The following ZNF606 variants were observed in gnomAD, a reference collection of about 807,000 sequenced individuals.
The protein encoded by ZNF606 is zinc finger protein 606.
Under a neutral mutation model 74.9 loss-of-function variants are expected in ZNF606, and 37 were observed. That is an observed-to-expected ratio of 0.49 (90% CI 0.38 to 0.65). The LOEUF is 0.65. Ranked by LOEUF, ZNF606 falls within the 30% of genes least tolerant of loss-of-function variation. ZNF606 has a pLI of 0.00. For missense variants in ZNF606, 852 were observed against 952.9 expected (o/e 0.89, Z 1.39); for synonymous variants, 328 against 312.4 (o/e 1.05, Z -0.53).
intron 6 of ZNF606, among the ~76,000 whole-genome samples, chr19:57,982,154 T>G (rs868300932): frequency 6.6e-6 from 1 of 152,166 alleles, no homozygotes; most frequent in Non-Finnish European, 1.5e-5. Context: ...AATGGAGTTA[T>G]TGGCCGGGTT....
chr19:57,977,071 CTT>C (rs1175048255), downstream of ZNF606: 2 of 152,216 alleles, frequency 1.3e-5, no homozygotes, highest in African/African-American at 4.8e-5. Context: ...AACCAGGTAA[CTT>C]TATTTCTCAT....
chr19:57,989,332 G>A (rs1022517616), intron 4 of ZNF606, among the ~76,000 whole-genome samples: 3 of 141,990 alleles, frequency 2.1e-5, no homozygotes, highest in African/African-American at 7.8e-5. Context: ...AATCTAAACT[G>A]ATTTTTTTTT....
chr19:57,991,847 T>C (rs2073266834), intron 4 of ZNF606, among the ~76,000 whole-genome samples: 1 of 152,162 alleles, frequency 6.6e-6, no homozygotes, highest in African/African-American at 2.4e-5. Flanking sequence ...AAACCTATGC[T>C]TGATGCACTT....
chr19:57,980,497 AC>A (rs2073068858), intron 6 of ZNF606, among the ~76,000 whole-genome samples: 2 of 152,306 alleles, frequency 1.3e-5, no homozygotes, highest in East Asian at 3.9e-4. Context: ...AACTAATGAA[AC>A]CATTTAAAAG....
Position 57,979,074 on chromosome 19 carries a change from C to T in ZNF606, c.1606G>A (p.Gly536Arg). 2 of 1,614,106 alleles carry T rather than the reference C, an allele frequency of 1.2e-6. No homozygotes were observed. Among genetic ancestry groups the T allele is most frequent in the Non-Finnish European group, 1.7e-6 (2 of 1,180,032 alleles). ...TCATCACATTTAAAGGGTTTCTCTCCAGTATGCATTCTCATATGGGCAATA... is the reference window on the plus strand; with the variant it reads ...TCATCACATTTAAAGGGTTTCTCTCTAGTATGCATTCTCATATGGGCAATA... ...HLIAHMRMHTGEKPFKCDECE... is the reference protein window; with the variant it reads ...HLIAHMRMHTREKPFKCDECE... Residue 536 changes from glycine to arginine, a missense_variant, in exon 7 of 7, where the codon GGA (glycine) becomes AGA (arginine). By Grantham distance (125) the Gly-to-Arg change is moderately radical (BLOSUM62 -2). Coordinates refer to ENST00000551380, the MANE Select transcript of ZNF606 (RefSeq NM_001348022.3).
At chr19:58,000,228 CTT>C in intron 3 of ZNF606, 17 of 346,726 alleles carry the variant, frequency 4.9e-5, no homozygotes, top group South Asian at 2.5e-4. Context: ...CACTGGTTTT[CTT>C]TTTTTTTTTG....
chr19:58,002,464 T>C lies in ZNF606; in HGVS notation c.-120A>G, dbSNP rs901968726. The C allele has an allele frequency of 3.7e-5, 17 of 454,798 alleles. No homozygotes were observed. The highest frequency in any genetic ancestry group is 3.4e-4 in the African/African-American group (17 of 50,010). 28.2% of individuals were successfully genotyped at this position (454,798 alleles called of 1,614,324 possible). ...ATCGGGGTCTGCCCGCCTGGGGCGT[T>C]TGGCTTTTGTCCCGCGCCGAGGTCC... On this transcript the variant is annotated 5_prime_UTR_variant, in exon 1 of 7. Coordinates refer to ENST00000551380, the MANE Select transcript of ZNF606 (RefSeq NM_001348022.3).
At position 57,978,997 on chromosome 19, in the gene ZNF606, A is replaced by G; in HGVS notation, c.1683T>C (p.Thr561=). The G allele has an allele frequency of 6.2e-7, 1 of 1,614,076 alleles. No individual in the cohort carries two copies. The highest frequency in any genetic ancestry group is 1.7e-5 in the Admixed American group (1 of 60,018). ...ATTTATATGGTTTTGCTCCAGAATG[A>G]GTTCTTTCATGTTTACTAAGGGCTG... The part of the protein sequence containing the change: ...DYSALSKHER[T]HSGAKPYKCT... Residue 561 remains threonine, a synonymous_variant, in exon 7 of 7, where the codon ACT becomes ACC. Coordinates refer to ENST00000551380, the MANE Select transcript of ZNF606 (RefSeq NM_001348022.3). This position sits in a 1 kb window ranked among gnomAD's most constrained non-coding sequence, Gnocchi z 4.4.
chr19:57,978,118 C>T lies in ZNF606; in HGVS notation c.*183G>A, dbSNP rs928851985. 3 of 563,718 alleles carry T rather than the reference C, an allele frequency of 5.3e-6. No homozygotes were observed. Among genetic ancestry groups the T allele is most frequent in the Admixed American group, 3.8e-5 (1 of 26,464 alleles). 34.9% of individuals were successfully genotyped at this position (563,718 alleles called of 1,614,324 possible). On this transcript the variant is annotated 3_prime_UTR_variant, in exon 7 of 7. Transcript: ENST00000551380. This position sits in a 1 kb window ranked among gnomAD's most constrained non-coding sequence, Gnocchi z 4.4. The stretch of plus-strand genomic sequence containing the variant: ...CTGATTTTGAGTAAGGGCTAAATAA[C>T]TGCTGAAAGCTTTTCCCTATTCTTT...
rs747379354 is a variant in ZNF606 at position 57,979,730 on chromosome 19, T to C, written c.950A>G (p.Tyr317Cys). The C allele has an allele frequency of 8.7e-6, 14 of 1,613,328 alleles. No individual in the cohort carries two copies. The East Asian group carries it at 8.9e-5, about 10-fold the overall frequency. Residue 317 changes from tyrosine (Y) to cysteine (C), a missense_variant, in exon 7 of 7, where the codon TAT becomes TGT. Tyr to Cys is a radical substitution (Grantham distance 194, BLOSUM62 -2). Around this residue, in one of 3 missense-constraint regions of ZNF606, gnomAD observed 545 missense variants for 542.5 expected, o/e 1.00. Coordinates refer to ENST00000551380, the MANE Select transcript of ZNF606 (RefSeq NM_001348022.3). ...HKGIHTGEKL[Y>C]EYKECHQIFN... is the part of the protein sequence containing the mutation. The stretch of plus-strand genomic sequence containing the variant: ...GATTTGATGGCATTCCTTATATTCA[T>C]AGAGTTTTTCTCCTGTGTGAATTCC...
intron 4 of ZNF606, among the ~76,000 whole-genome samples, chr19:57,991,803 A>ATAAG (rs2123315337): frequency 6.6e-6 from 1 of 152,080 alleles, no homozygotes; most frequent in African/African-American, 2.4e-5. Flanking sequence ...AAATAAATAA[A>ATAAG]TAAATAAATG....
intron 4 of ZNF606, among the ~76,000 whole-genome samples, chr19:57,996,585 G>T (rs74337506): frequency 0.063 from 9,650 of 152,228 alleles, 415 homozygotes; most frequent in Middle Eastern, 0.095. Flanking sequence ...AAAACCAAAA[G>T]GCCAGAAGGA....
rs1037917698 is a variant in ZNF606 at position 58,002,731 on chromosome 19, C to CG, written c.-388_-387insC. ...CTCTCCCAGCCGGCTCTCCTGACCC[C>CG]CCAAGCCCCGCAGCTACGGCGGCCC... On this transcript the variant is annotated 5_prime_UTR_variant, in exon 1 of 7. Transcript: ENST00000551380. The CG allele has an allele frequency of 4.4e-6, 2 of 454,112 alleles. No homozygotes were observed. Among genetic ancestry groups the CG allele is most frequent in the African/African-American group, 2.0e-5 (1 of 49,614 alleles). 28.1% of individuals were successfully genotyped at this position (454,112 alleles called of 1,614,324 possible). A position where few individuals can be genotyped will look rare whatever the true frequency, so the allele number is the denominator to read the frequency against.
In ZNF606 at chr19:57,978,083, T is replaced by C; in HGVS notation, c.*218A>G. Reference sequence around the variant, plus strand: ...AAGGGGAGTTTAGAGTTTCCTTCATTGTTAATTATCTGATTTTGAGTAAGG... The same window carrying C: ...AAGGGGAGTTTAGAGTTTCCTTCATCGTTAATTATCTGATTTTGAGTAAGG... On this transcript the variant is annotated 3_prime_UTR_variant, in exon 7 of 7. Coordinates refer to ENST00000551380, the MANE Select transcript of ZNF606 (RefSeq NM_001348022.3). This position sits in a 1 kb window ranked among gnomAD's most constrained non-coding sequence, Gnocchi z 4.4. The C allele has an allele frequency of 2.4e-6, 1 of 423,686 alleles. No individual in the cohort carries two copies. 26.2% of individuals were successfully genotyped at this position (423,686 alleles called of 1,614,324 possible). A position where few individuals can be genotyped will look rare whatever the true frequency, so the allele number is the denominator to read the frequency against.
Position 57,978,396 on chromosome 19 carries a change from T to C in ZNF606, c.2284A>G (p.Lys762Glu), listed in dbSNP as rs1271242023. Residue 762 changes from lysine (K) to glutamate (E), a missense_variant, in exon 7 of 7, where the codon AAA becomes GAA. Physicochemically the swap from Lys to Glu is moderately conservative, Grantham distance 56. Around this residue, in one of 3 missense-constraint regions of ZNF606, gnomAD observed 64 missense variants for 51.1 expected, o/e 1.25. Transcript: ENST00000551380. The surrounding 1 kb of genome is among the most constrained non-coding windows in gnomAD (Gnocchi z 4.4). Reference protein sequence around the residue: ...IIHQRMHSGEKRFICSECGKA... With the variant: ...IIHQRMHSGEERFICSECGKA... ...CCACATTCACTGCATATAAAGCGTT[T>C]CTCTCCACTATGCATTCTCTGATGA... is the stretch of plus-strand genomic sequence containing the variant. The C allele has an allele frequency of 6.2e-6, 10 of 1,613,518 alleles. No homozygotes were observed. The highest frequency in any genetic ancestry group is 7.6e-6 in the Non-Finnish European group (9 of 1,179,566).
At chr19:57,998,950 T>TC (rs1345415052) in intron 4 of ZNF606, 3 of 152,596 alleles carry the variant, frequency 2.0e-5, no homozygotes, top group Non-Finnish European at 4.4e-5. Context: ...CCAGCCTGCT[T>TC]CCCACAGCCC....
chr19:57,986,459 CA>C (rs1408645231), intron 6 of ZNF606, among the ~76,000 whole-genome samples: 2 of 151,946 alleles, frequency 1.3e-5, no homozygotes, highest in Admixed American at 1.3e-4. Context: ...TCTCAAAAAA[CA>C]AAATGGAAAT....
At chr19:57,983,192 C>A (rs1322869011) in intron 6 of ZNF606, among the ~76,000 whole-genome samples, 3 of 152,108 alleles carry the variant, frequency 2.0e-5, no homozygotes, top group Non-Finnish European at 4.4e-5. Flanking sequence ...GTTTCCAGCA[C>A]CAGAGACAAG....
chr19:57,997,885 G>A (rs922966696), intron 4 of ZNF606: 2 of 152,166 alleles, frequency 1.3e-5, no homozygotes, highest in Admixed American at 6.5e-5. Context: ...TCTGATGCCA[G>A]GCAACAATCA....
Sources: allele counts gnomAD v4.1 joint callset (sites outside exome capture counted in the v4.1 genomes callset), GRCh38; gene constraint gnomAD v4.1.1; regional missense constraint gnomAD v4.1.1; non-coding constraint Gnocchi (gnomAD v3.1); transcripts MANE v1.5; gene names NCBI Gene and HGNC (gene_info 2026-07-23, HGNC 2026-07-21).